DPP10: variants seen among roughly 807,000 people sequenced by gnomAD.
DPP10 encodes the protein inactive dipeptidyl peptidase 10.
In DPP10, 33 loss-of-function variants were observed where a neutral mutation model predicts 120.9. The ratio of observed to expected loss-of-function variants is 0.27; its 90% CI spans 0.21 to 0.37. The LOEUF (loss-of-function observed/expected upper bound fraction) is 0.37. DPP10 is among the 10% of genes least tolerant of loss of function. DPP10 has a pLI of 1.00. For missense variants in DPP10, 816 were observed against 942.8 expected, an observed-to-expected ratio of 0.87 and a Z score of 1.76; for synonymous variants, 337 against 326.1, an observed-to-expected ratio of 1.03 and a Z score of -0.36.
At chr2:115,777,119 G>A (rs1433800982) in intron 13 of DPP10, 89 bp from the exon 14 acceptor site, 13 of 1,113,834 alleles carry the variant, frequency 1.2e-5, no homozygotes, top group Admixed American at 2.1e-5. Context: ...TAGAGAATTC[G>A]AAGTGTCACA....
rs1025742155 is a variant in DPP10 at position 114,466,643 on chromosome 2, G to A, written c.60+23805G>A. Among the ~76,000 whole-genome samples the A allele has an allele frequency of 1.2e-4, 19 of 152,154 alleles. 1 individual carries two copies. The highest frequency in any genetic ancestry group is 1.2e-3 in the Admixed American group (19 of 15,266). ...TAGAAGGGTTAAATGAATTAATGTA[G>A]GTAAGGAGCATAGAATAGGTGCTGG... On this transcript the variant is annotated intron_variant, in intron 1 of 25. Coordinates refer to ENST00000410059, the MANE Select transcript of DPP10 (RefSeq NM_020868.6).
intron 1 of DPP10, among the ~76,000 whole-genome samples, chr2:114,793,157 T>A (rs564886806): frequency 6.6e-6 from 1 of 152,158 alleles, no homozygotes; most frequent in Non-Finnish European, 1.5e-5. Flanking sequence ...TTTGATTTTT[T>A]AAAATTATAC....
chr2:115,470,521 G>A (rs1448041372), intron 3 of DPP10, among the ~76,000 whole-genome samples: 2 of 152,040 alleles, frequency 1.3e-5, no homozygotes, highest in East Asian at 3.9e-4. Flanking sequence ...AGGGTTCGAA[G>A]CCCATTATTT....
At chr2:114,834,683 A>C (rs547801012) in intron 1 of DPP10, among the ~76,000 whole-genome samples, 1 of 128,098 alleles carries the variant, frequency 7.8e-6, no homozygotes, top group African/African-American at 3.2e-5. Context: ...CTACACACCT[A>C]TGTATATATA....
At chr2:115,133,145 G>GTGTGTGTGTGTATATATATA (rs1338395575) in intron 1 of DPP10, among the ~76,000 whole-genome samples, 1 of 28,762 alleles carries the variant, frequency 3.5e-5, no homozygotes, top group African/African-American at 1.3e-4. Flanking sequence ...GTGTGTGTGT[G>GTGTGTGTGTGTATATATATA]TATATATATA....
intron 2 of DPP10, among the ~76,000 whole-genome samples, chr2:115,330,990 G>A (rs1296167121): frequency 6.6e-6 from 1 of 152,026 alleles, no homozygotes; most frequent in Non-Finnish European, 1.5e-5. Context: ...GATGGGGATG[G>A]CATTGAATCT....
intron 1 of DPP10, among the ~76,000 whole-genome samples, chr2:114,703,298 A>G (rs955363265): frequency 6.6e-6 from 1 of 152,212 alleles, no homozygotes; most frequent in African/African-American, 2.4e-5. Flanking sequence ...ACTTTTATTT[A>G]CAGGAGAAAC....
chr2:114,875,347 T>C lies in DPP10; in HGVS notation c.60+432509T>C, dbSNP rs6736745. 6.5e-3 allele frequency among the ~76,000 whole-genome samples: 992 copies of C among 152,276 alleles called. 15 individuals carry two copies. Among genetic ancestry groups the C allele is most frequent in the African/African-American group, 0.023 (952 of 41,570 alleles). ...GCCATTTGGGACAGCAGACCACAAA[T>C]GAATAAATTACAACCTAGCATAGTG... On this transcript the variant is annotated intron_variant, in intron 1 of 25. Transcript: ENST00000410059.
At chr2:114,711,023 A>G (rs992372610) in intron 1 of DPP10, among the ~76,000 whole-genome samples, 1 of 152,178 alleles carries the variant, frequency 6.6e-6, no homozygotes, top group Non-Finnish European at 1.5e-5. Flanking sequence ...GAACACAGTT[A>G]TTTGTGCTTT....
intron 1 of DPP10, among the ~76,000 whole-genome samples, chr2:115,075,198 CA>C (rs1256210033): frequency 6.6e-6 from 1 of 152,230 alleles, no homozygotes; most frequent in Non-Finnish European, 1.5e-5. Flanking sequence ...CTGCTGATCA[CA>C]TTGGTGTTTG....
At chr2:115,675,390 A>T (rs181246535) in intron 5 of DPP10, among the ~76,000 whole-genome samples, 340 of 152,304 alleles carry the variant, frequency 2.2e-3, no homozygotes, top group African/African-American at 7.7e-3. Flanking sequence ...AAGATGGCTT[A>T]CTAGAAGCCT....
At chr2:114,938,596 A>G (rs1696658954) in intron 1 of DPP10, among the ~76,000 whole-genome samples, 1 of 152,248 alleles carries the variant, frequency 6.6e-6, no homozygotes, top group East Asian at 1.9e-4. Flanking sequence ...TTACAAATAT[A>G]TTTTAATTGG....
chr2:115,531,148 G>GT (rs58542777), intron 5 of DPP10, among the ~76,000 whole-genome samples: 57,499 of 125,674 alleles, frequency 0.46, 11,970 homozygotes, highest in East Asian at 0.68. Context: ...TCAAGATTGA[G>GT]TTTTTTTTTT....
chr2:115,086,086 C>T (rs1210039990), intron 1 of DPP10, among the ~76,000 whole-genome samples: 1 of 152,188 alleles, frequency 6.6e-6, no homozygotes, highest in Non-Finnish European at 1.5e-5. Flanking sequence ...ACAAAGCCAT[C>T]CTTTGTTGGG....
Position 114,946,562 on chromosome 2 carries a change from T to C in DPP10, c.61-362677T>C, listed in dbSNP as rs112266627. On this transcript the variant is annotated intron_variant, in intron 1 of 25. Coordinates refer to ENST00000410059, the MANE Select transcript of DPP10 (RefSeq NM_020868.6). ...ATAAAAATATCCCCTATTCATGTAA[T>C]GTTTCTCTTTTATACTGTTAATGCA... Among the ~76,000 whole-genome samples the C allele has an allele frequency of 5.8e-3, 886 of 152,248 alleles. 10 individuals carry two copies. Among genetic ancestry groups the C allele is most frequent in the Middle Eastern group, 0.031 (9 of 288 alleles).
intron 1 of DPP10, among the ~76,000 whole-genome samples, chr2:114,934,184 A>G (rs1004056313): frequency 4.6e-5 from 7 of 152,152 alleles, no homozygotes; most frequent in African/African-American, 1.7e-4. Flanking sequence ...TTGAACAAAG[A>G]AAGGGTTAAG....
At chr2:115,382,686 T>C (rs2066495831) in intron 3 of DPP10, among the ~76,000 whole-genome samples, 1 of 152,152 alleles carries the variant, frequency 6.6e-6, no homozygotes, top group Non-Finnish European at 1.5e-5. Context: ...GACATTTTGC[T>C]GTCAGGCAGA....
chr2:114,867,935 C>A (rs1393459668), intron 1 of DPP10, among the ~76,000 whole-genome samples: 10 of 152,188 alleles, frequency 6.6e-5, no homozygotes, highest in Non-Finnish European at 1.5e-4. Context: ...TTGATTAGAT[C>A]TGAATATGGA....
chr2:115,802,007 G>A (rs1314821412), intron 19 of DPP10, among the ~76,000 whole-genome samples: 1 of 152,142 alleles, frequency 6.6e-6, no homozygotes, highest in African/African-American at 2.4e-5. Flanking sequence ...CAGAAGGAAT[G>A]GTACCAGCTC....
Sources: allele counts gnomAD v4.1 joint callset (sites outside exome capture counted in the v4.1 genomes callset), GRCh38; gene constraint gnomAD v4.1.1; transcripts MANE v1.5; gene names NCBI Gene and HGNC (gene_info 2026-07-23, HGNC 2026-07-21).